The following SLC25A21 variants were observed in gnomAD, a reference collection of about 807,000 sequenced individuals.
SLC25A21 encodes the protein solute carrier family 25 member 21.
A neutral mutation model predicts 43.8 loss-of-function variants in SLC25A21; 47 were observed. That is an observed-to-expected ratio of 1.07 (90% CI 0.85 to 1.37). The LOEUF (loss-of-function observed/expected upper bound fraction) is 1.37, where lower values mean the gene tolerates loss of function less well. Ranked by LOEUF, SLC25A21 falls within the 40% of genes most tolerant of loss-of-function variation. The pLI is 0.00. For synonymous variants in SLC25A21, 131 were observed against 121.3 expected, an observed-to-expected ratio of 1.08 and a Z score of -0.52; for missense variants, 352 against 350.2, an observed-to-expected ratio of 1.00 and a Z score of -0.04.
chr14:37,005,224 C>T (rs1321851791), intron 1 of SLC25A21, among the ~76,000 whole-genome samples: 1 of 147,814 alleles, frequency 6.8e-6, no homozygotes, highest in Non-Finnish European at 1.5e-5. Flanking sequence ...ACACACACAC[C>T]ACGATAAAAA....
At chr14:36,942,458 G>A (rs530622078) in intron 1 of SLC25A21, among the ~76,000 whole-genome samples, 1 of 152,270 alleles carries the variant, frequency 6.6e-6, no homozygotes, top group South Asian at 2.1e-4. Flanking sequence ...TCTCAGGCAC[G>A]TTGGGAGAAC....
chr14:37,122,237 G>A (rs1286862226), intron 1 of SLC25A21, among the ~76,000 whole-genome samples: 1 of 152,172 alleles, frequency 6.6e-6, no homozygotes, highest in Non-Finnish European at 1.5e-5. Context: ...ACGTTTTTCA[G>A]TGCATCTGTT....
chr14:36,726,441 T>TA (rs56038928), intron 5 of SLC25A21, among the ~76,000 whole-genome samples: 20,566 of 103,732 alleles, frequency 0.2, 1,492 homozygotes, highest in Non-Finnish European at 0.24. Flanking sequence ...TCAAATAAAA[T>TA]AAAAAAAAAA....
chr14:36,926,131 T>C (rs964803872), intron 1 of SLC25A21, among the ~76,000 whole-genome samples: 3 of 152,132 alleles, frequency 2.0e-5, no homozygotes, highest in Non-Finnish European at 2.9e-5. Context: ...CTTAAAAAAA[T>C]TGATGGCATT....
At chr14:37,030,761 T>C (rs1398569671) in intron 1 of SLC25A21, among the ~76,000 whole-genome samples, 1 of 152,146 alleles carries the variant, frequency 6.6e-6, no homozygotes, top group East Asian at 1.9e-4. Flanking sequence ...TTTGTACTCG[T>C]TGGTAAGTGT....
intron 2 of SLC25A21, among the ~76,000 whole-genome samples, chr14:36,868,220 G>A (rs1890267546): frequency 6.6e-6 from 1 of 152,128 alleles, no homozygotes. Context: ...TTATACAAGT[G>A]AATGAGGTCT....
chr14:36,871,363 T>C (rs1890368317), intron 2 of SLC25A21, among the ~76,000 whole-genome samples: 1 of 152,178 alleles, frequency 6.6e-6, no homozygotes, highest in African/African-American at 2.4e-5. Flanking sequence ...AGCTTAGACA[T>C]CTCAGCCTCC....
At chr14:36,955,247 G>T (rs1959304115) in intron 1 of SLC25A21, among the ~76,000 whole-genome samples, 1 of 152,140 alleles carries the variant, frequency 6.6e-6, no homozygotes, top group Non-Finnish European at 1.5e-5. Context: ...AAAGAAGAAT[G>T]CACTCCATTG....
At chr14:37,125,311 G>A (rs1461822255) in intron 1 of SLC25A21, among the ~76,000 whole-genome samples, 5 of 152,152 alleles carry the variant, frequency 3.3e-5, no homozygotes. Flanking sequence ...TGATACTTCG[G>A]TTAACATAAA....
At chr14:37,005,918 A>C (rs1189465052) in intron 1 of SLC25A21, among the ~76,000 whole-genome samples, 1 of 151,988 alleles carries the variant, frequency 6.6e-6, no homozygotes, top group Admixed American at 6.6e-5. Context: ...GGTAAATAAC[A>C]ATACAGTTGT....
chr14:37,017,355 T>C (rs1395136914), intron 1 of SLC25A21, among the ~76,000 whole-genome samples: 2 of 152,054 alleles, frequency 1.3e-5, no homozygotes, highest in Non-Finnish European at 2.9e-5. Context: ...AGAGAAACAG[T>C]CTGTGGAGCA....
intron 7 of SLC25A21, among the ~76,000 whole-genome samples, chr14:36,692,490 A>AT (rs1216576210): frequency 1.3e-5 from 2 of 152,230 alleles, no homozygotes; most frequent in East Asian, 3.8e-4. Flanking sequence ...TGAAAGAGGC[A>AT]TATGCCTCCC....
At chr14:36,898,680 C>A (rs544595911) in intron 1 of SLC25A21, among the ~76,000 whole-genome samples, 1 of 152,120 alleles carries the variant, frequency 6.6e-6, no homozygotes, top group Non-Finnish European at 1.5e-5. Flanking sequence ...TGGCTCCATC[C>A]CCCAATCTCA....
At chr14:36,931,926 AT>A (rs1161125125) in intron 1 of SLC25A21, among the ~76,000 whole-genome samples, 1 of 152,170 alleles carries the variant, frequency 6.6e-6, no homozygotes, top group Admixed American at 6.5e-5. Context: ...AGCTAGAGAC[AT>A]TTTGCAAATC....
intron 1 of SLC25A21, among the ~76,000 whole-genome samples, chr14:37,027,303 G>A (rs2138762698): frequency 6.6e-6 from 1 of 152,128 alleles, no homozygotes; most frequent in Non-Finnish European, 1.5e-5. Flanking sequence ...TTTCCTATCT[G>A]TGTCTCTGAT....
At chr14:37,105,014 C>T (rs1006438285) in intron 1 of SLC25A21, among the ~76,000 whole-genome samples, 11 of 152,160 alleles carry the variant, frequency 7.2e-5, no homozygotes, top group Non-Finnish European at 1.5e-4. Context: ...TAAGCATTTC[C>T]AGAGGTGCTG....
intron 7 of SLC25A21, among the ~76,000 whole-genome samples, chr14:36,695,545 A>T (rs906165617): frequency 2.0e-5 from 3 of 152,222 alleles, no homozygotes; most frequent in Admixed American, 2.0e-4. Context: ...ATCCATGAGC[A>T]TGGAATATGC....
At chr14:36,854,384 A>T (rs1480356205) in intron 2 of SLC25A21, among the ~76,000 whole-genome samples, 1 of 152,240 alleles carries the variant, frequency 6.6e-6, no homozygotes, top group Non-Finnish European at 1.5e-5. Flanking sequence ...AGATGGAGCT[A>T]GGTGAGAGTA....
At chr14:36,690,709 A>C (rs537292118) in intron 7 of SLC25A21, among the ~76,000 whole-genome samples, 3 of 152,262 alleles carry the variant, frequency 2.0e-5, no homozygotes, top group East Asian at 3.9e-4. Context: ...GTGTGAAAAA[A>C]ATGGAGGGCA....
Sources: allele counts gnomAD v4.1 joint callset (sites outside exome capture counted in the v4.1 genomes callset), GRCh38; gene constraint gnomAD v4.1.1; transcripts MANE v1.5; gene names NCBI Gene and HGNC (gene_info 2026-07-23, HGNC 2026-07-21).